Variants in FREM3 observed in about 807,000 individuals in gnomAD.
FREM3 encodes FRAS1 related extracellular matrix 3, also known as FRAS1-related extracellular matrix protein 3.
A neutral mutation model predicts 129.1 loss-of-function variants in FREM3; 105 were observed. The observed-to-expected ratio is 0.81, with a 90% confidence interval of 0.69 to 0.96. The LOEUF (loss-of-function observed/expected upper bound fraction) is 0.96, where lower values mean the gene tolerates loss of function less well. FREM3 is among the 40% of genes least tolerant of loss of function. The pLI is 0.00. For missense variants in FREM3, 2,593 were observed against 2,666.3 expected, an observed-to-expected ratio of 0.97 and a Z score of 0.61; for synonymous variants, 1,014 against 1,044.9, an observed-to-expected ratio of 0.97 and a Z score of 0.57.
intron 2 of FREM3, among the ~76,000 whole-genome samples, chr4:143,676,902 C>G (rs1231470372): frequency 3.3e-5 from 5 of 152,064 alleles, no homozygotes; most frequent in Non-Finnish European, 5.9e-5. Context: ...AGGATACAAA[C>G]AAATGGAAGA....
In FREM3 at chr4:143,698,266, A is replaced by G; in HGVS notation, c.2410T>C (p.Tyr804His). The change falls in exon 1 of 8, where the codon TAC becomes CAC. Residue 804 changes from tyrosine to histidine, a missense_variant. This residue lies in a region of FREM3 where 2,276 missense variants were observed against 2,267.2 expected (regional missense o/e 1.00). Transcript: ENST00000329798. ...GIAPRVVQFT[Y>H]QVEDAAGNSV... is the part of the protein sequence containing the mutation. ...TTGCCTGCAGCATCTTCCACCTGGT[A>G]AGTAAACTGCACAACCCGTGGTGCA... The G allele has an allele frequency of 3.9e-6, 6 of 1,537,572 alleles. No individual in the cohort carries two copies. The highest frequency in any genetic ancestry group is 5.2e-6 in the Non-Finnish European group (6 of 1,146,976).
intron 6 of FREM3, among the ~76,000 whole-genome samples, chr4:143,602,295 A>T (rs975089087): frequency 1.3e-5 from 2 of 152,108 alleles, no homozygotes; most frequent in Non-Finnish European, 2.9e-5. Flanking sequence ...ATGCTTAGAA[A>T]CTCGAATTAA....
intron 2 of FREM3, among the ~76,000 whole-genome samples, chr4:143,659,759 T>C (rs1413813271): frequency 6.6e-6 from 1 of 151,300 alleles, no homozygotes; most frequent in Non-Finnish European, 1.5e-5. Context: ...TCCTGACTTT[T>C]TAATGATTGC....
At position 143,697,645 on chromosome 4, in the gene FREM3, C is replaced by A; in HGVS notation, c.3031G>T (p.Asp1011Tyr). The change falls in exon 1 of 8, where the codon GAT (aspartate) becomes TAT (tyrosine). Residue 1011 changes from aspartate to tyrosine, a missense_variant. This residue lies in a region of FREM3 where 2,276 missense variants were observed against 2,267.2 expected (regional missense o/e 1.00). Transcript: ENST00000329798. ...GLPTERFTQE[D>Y]LINGRVAYAH... ...TAGGCTACTCTCCCATTGATGAGAT[C>A]CTCTTGGGTGAATCGTTCTGTGGGC... is the stretch of plus-strand genomic sequence containing the variant. The A allele has an allele frequency of 6.5e-7, 1 of 1,537,860 alleles. No individual in the cohort carries two copies. Among genetic ancestry groups the A allele is most frequent in the South Asian group, 1.2e-5 (1 of 84,054 alleles).
chr4:143,604,620 A>G (rs1738634433), intron 6 of FREM3, among the ~76,000 whole-genome samples: 1 of 152,206 alleles, frequency 6.6e-6, no homozygotes, highest in Non-Finnish European at 1.5e-5. Context: ...TGAGAATTCA[A>G]GAGCACAATC....
At chr4:143,648,838 A>G (rs62339282) in intron 2 of FREM3, among the ~76,000 whole-genome samples, 245 of 152,274 alleles carry the variant, frequency 1.6e-3, no homozygotes, top group Admixed American at 3.4e-3. Context: ...TCATAGCTCA[A>G]TGCAGCCTCA....
intron 2 of FREM3, among the ~76,000 whole-genome samples, chr4:143,643,596 T>A (rs946499662): frequency 6.6e-6 from 1 of 151,370 alleles, no homozygotes; most frequent in East Asian, 1.9e-4. Context: ...ACTTGTGGGA[T>A]TTTTTTTTAA....
At chr4:143,692,859 A>G (rs1263496721) in intron 2 of FREM3, among the ~76,000 whole-genome samples, 1 of 152,214 alleles carries the variant, frequency 6.6e-6, no homozygotes, top group Non-Finnish European at 1.5e-5. Context: ...TCCAGATCAG[A>G]TAAAATACTT....
chr4:143,651,011 A>G (rs947218782), intron 2 of FREM3, among the ~76,000 whole-genome samples: 1 of 152,218 alleles, frequency 6.6e-6, no homozygotes, highest in Non-Finnish European at 1.5e-5. Context: ...TTTGATCACT[A>G]TAGTGGTCTA....
intron 2 of FREM3, among the ~76,000 whole-genome samples, chr4:143,634,588 C>T (rs904856525): frequency 5.9e-5 from 9 of 152,070 alleles, no homozygotes; most frequent in Non-Finnish European, 1.0e-4. Flanking sequence ...GAAAGGGCTT[C>T]GTCTTCATGA....
At chr4:143,678,073 A>G (rs993080597) in intron 2 of FREM3, among the ~76,000 whole-genome samples, 1 of 152,238 alleles carries the variant, frequency 6.6e-6, no homozygotes, top group African/African-American at 2.4e-5. Flanking sequence ...TCATGCTGCT[A>G]TAAAGACACA....
At chr4:143,679,003 G>A (rs1000164112) in intron 2 of FREM3, among the ~76,000 whole-genome samples, 13 of 151,994 alleles carry the variant, frequency 8.6e-5, no homozygotes, top group African/African-American at 3.1e-4. Context: ...CTTTTTTTAA[G>A]GATACATAAC....
intron 4 of FREM3, among the ~76,000 whole-genome samples, chr4:143,622,922 T>C (rs528656166): frequency 2.6e-5 from 4 of 152,194 alleles, no homozygotes; most frequent in Non-Finnish European, 4.4e-5. Flanking sequence ...CCATGTGTCT[T>C]ACATTTACTT....
At chr4:143,664,463 T>A (rs1739811714) in intron 2 of FREM3, among the ~76,000 whole-genome samples, 1 of 152,062 alleles carries the variant, frequency 6.6e-6, no homozygotes, top group South Asian at 2.1e-4. Context: ...CTCAGAGGAG[T>A]ACCCTGCCGT....
chr4:143,699,383 C>G lies in FREM3; in HGVS notation c.1293G>C (p.Leu431=). The G allele has an allele frequency of 6.5e-7, 1 of 1,537,296 alleles. No homozygotes were observed. Among genetic ancestry groups the G allele is most frequent in the East Asian group, 2.4e-5 (1 of 40,908 alleles). Residue 431 remains leucine, a synonymous_variant, in exon 1 of 8, where the codon CTG becomes CTC. Transcript: ENST00000329798. The surrounding 1 kb of genome is among the most constrained non-coding windows in gnomAD (Gnocchi z 4.2). The part of the protein sequence containing the change: ...FMVTVKSMNT[L]VPVASHNRGL... ...CCCTGTTATGGCTAGCCACTGGGAC[C>G]AGAGTATTCATGGATTTCACTGTCA...
At chr4:143,675,963 C>A (rs1578864377) in intron 2 of FREM3, among the ~76,000 whole-genome samples, 2 of 152,048 alleles carry the variant, frequency 1.3e-5, no homozygotes, top group African/African-American at 4.8e-5. Context: ...ACCAGAGGTA[C>A]AAGGAGGAGC....
intron 2 of FREM3, among the ~76,000 whole-genome samples, chr4:143,676,742 C>T (rs1266035800): frequency 6.6e-6 from 1 of 152,126 alleles, no homozygotes; most frequent in Non-Finnish European, 1.5e-5. Context: ...TTCTTATACA[C>T]CAATAAGAAA....
rs190618313 is a variant in FREM3 at position 143,683,056 on chromosome 4, A to T, written c.5275+10057T>A. Among the ~76,000 whole-genome samples, 321 of 152,256 alleles carry T rather than the reference A, an allele frequency of 2.1e-3. 2 individuals are homozygous for T. Among genetic ancestry groups the T allele is most frequent in the African/African-American group, 7.5e-3 (312 of 41,554 alleles). ...CCACTTCCGGCTTTGAAGACGGAGG[A>T]ATGGGCAGTCTATAGAAGCTGGAAA... On this transcript the variant is annotated intron_variant, in intron 2 of 7. Coordinates refer to ENST00000329798, the MANE Select transcript of FREM3 (RefSeq NM_001168235.2).
At chr4:143,682,602 G>A (rs1043984672) in intron 2 of FREM3, among the ~76,000 whole-genome samples, 27 of 152,280 alleles carry the variant, frequency 1.8e-4, no homozygotes, top group African/African-American at 6.3e-4. Flanking sequence ...TTCTTTTGTT[G>A]CATCATTCCT....
Sources: gnomAD v4.1 joint callset for allele counts (sites outside exome capture counted in the v4.1 genomes callset) on GRCh38, gnomAD v4.1.1 for gene constraint, gnomAD v4.1.1 regional missense constraint, Gnocchi (gnomAD v3.1) non-coding constraint, MANE v1.5 for transcripts, NCBI Gene and HGNC (gene_info 2026-07-23, HGNC 2026-07-21) for gene names.